Variants in FLRT2 observed in about 807,000 individuals in gnomAD.
The protein encoded by FLRT2 is leucine-rich repeat transmembrane protein FLRT2.
Under a neutral mutation model 40.0 loss-of-function variants are expected in FLRT2, and 15 were observed. That is an observed-to-expected ratio of 0.38 (90% CI 0.25 to 0.58). FLRT2 has a LOEUF of 0.58. Among genes scored for constraint, FLRT2 ranks in the 20% least tolerant of loss-of-function variants. FLRT2 has a pLI of 0.71. For synonymous variants in FLRT2, 380 were observed against 336.8 expected, an observed-to-expected ratio of 1.13 and a Z score of -1.41; for missense variants, 726 against 840.0, an observed-to-expected ratio of 0.86 and a Z score of 1.68.
At position 85,653,366 on chromosome 14, in the gene FLRT2, G is replaced by T. The variant is rs570231443; in HGVS notation, c.*29869G>T. 1 of 152,202 alleles carries T rather than the reference G, an allele frequency of 6.6e-6. No homozygotes were observed. The highest frequency in any genetic ancestry group is 1.5e-5 in the Non-Finnish European group (1 of 68,016). The allele number at this position is 152,202 out of a possible 1,614,324, so 9.4% of individuals were successfully genotyped here. On this transcript the variant is annotated 3_prime_UTR_variant, in exon 2 of 2. Coordinates refer to ENST00000330753, the MANE Select transcript of FLRT2 (RefSeq NM_013231.6). ...GGATGCAATTTGGCTAGTCACACCTGGGTGACCAATATCCGGAGGCTCTAC... is the reference window on the plus strand; with the variant it reads ...GGATGCAATTTGGCTAGTCACACCTTGGTGACCAATATCCGGAGGCTCTAC...
intron 1 of FLRT2, among the ~76,000 whole-genome samples, chr14:85,615,336 A>G (rs1367450715): frequency 6.6e-6 from 1 of 152,216 alleles, no homozygotes; most frequent in Non-Finnish European, 1.5e-5. Context: ...TGTGAGAACA[A>G]CGCTTCAAAT....
At chr14:85,567,412 A>G (rs79462820) in intron 1 of FLRT2, among the ~76,000 whole-genome samples, 3,298 of 152,174 alleles carry the variant, frequency 0.022, 124 homozygotes, top group African/African-American at 0.074. Context: ...CAGTTGCCAC[A>G]TTATGCTGGT....
At chr14:85,535,353 CCA>C (rs754262418) in intron 1 of FLRT2, among the ~76,000 whole-genome samples, 5 of 67,490 alleles carry the variant, frequency 7.4e-5, no homozygotes, top group Non-Finnish European at 1.7e-4. Flanking sequence ...AAGCCCCCCC[CCA>C]AAAAAAAAAA....
chr14:85,548,847 A>G (rs1192542989), intron 1 of FLRT2, among the ~76,000 whole-genome samples: 3 of 152,306 alleles, frequency 2.0e-5, no homozygotes, highest in South Asian at 2.1e-4. Context: ...GCCTTTTCCA[A>G]AACCATACTG....
At chr14:85,546,021 T>C (rs1342344395) in intron 1 of FLRT2, among the ~76,000 whole-genome samples, 1 of 152,188 alleles carries the variant, frequency 6.6e-6, no homozygotes, top group African/African-American at 2.4e-5. Context: ...GCGGTAAGCT[T>C]TTATTGGGTG....
In FLRT2 at chr14:85,622,497, T is replaced by G; in HGVS notation, c.983T>G (p.Ile328Ser). 1 of 1,614,054 alleles carries G rather than the reference T, an allele frequency of 6.2e-7. No individual in the cohort carries two copies. Among genetic ancestry groups the G allele is most frequent in the Non-Finnish European group, 8.5e-7 (1 of 1,180,022 alleles). The part of the protein sequence containing the change: ...IKWVTEWLKY[I>S]PSSLNVRGFM... ...TGGGTCACAGAATGGCTCAAATATATCCCTTCATCTCTCAACGTGCGGGGT... is the reference window on the plus strand; with the variant it reads ...TGGGTCACAGAATGGCTCAAATATAGCCCTTCATCTCTCAACGTGCGGGGT... Residue 328 changes from isoleucine (I) to serine (S), a missense_variant, in exon 2 of 2, where the codon ATC becomes AGC. Around this residue, in one of 3 missense-constraint regions of FLRT2, gnomAD observed 611 missense variants for 690.0 expected, o/e 0.89. Transcript: ENST00000330753.
chr14:85,534,607 G>C (rs547924679), intron 1 of FLRT2, among the ~76,000 whole-genome samples: 1 of 151,972 alleles, frequency 6.6e-6, no homozygotes, highest in East Asian at 1.9e-4. Flanking sequence ...CCGTATGTGT[G>C]TCTGTGTGTG....
At chr14:85,593,462 T>C (rs1315324907) in intron 1 of FLRT2, among the ~76,000 whole-genome samples, 3 of 138,886 alleles carry the variant, frequency 2.2e-5, no homozygotes, top group East Asian at 5.0e-4. Context: ...TCCTTACATA[T>C]GATTGAAACT....
intron 1 of FLRT2, among the ~76,000 whole-genome samples, chr14:85,553,557 C>T (rs1381403254): frequency 6.6e-6 from 1 of 152,106 alleles, no homozygotes; most frequent in Non-Finnish European, 1.5e-5. Flanking sequence ...CAAGCTTGAT[C>T]TAAGGGTTAT....
At chr14:85,582,650 A>C (rs1891442184) in intron 1 of FLRT2, among the ~76,000 whole-genome samples, 1 of 152,136 alleles carries the variant, frequency 6.6e-6, no homozygotes, top group African/African-American at 2.4e-5. Flanking sequence ...GTACGTAGTT[A>C]GGCACTCAGT....
At chr14:85,595,727 T>C (rs1196263466) in intron 1 of FLRT2, among the ~76,000 whole-genome samples, 3 of 152,170 alleles carry the variant, frequency 2.0e-5, no homozygotes, top group Non-Finnish European at 4.4e-5. Context: ...AAATTTTCTT[T>C]GAAGCCCTGA....
At chr14:85,536,022 A>T (rs747619797) in intron 1 of FLRT2, among the ~76,000 whole-genome samples, 5 of 148,438 alleles carry the variant, frequency 3.4e-5, no homozygotes, top group Non-Finnish European at 7.4e-5. Flanking sequence ...AGCAGAAGAA[A>T]GTAGATTCCC....
chr14:85,543,866 G>T (rs1889121191), intron 1 of FLRT2, among the ~76,000 whole-genome samples: 1 of 152,056 alleles, frequency 6.6e-6, no homozygotes, highest in Non-Finnish European at 1.5e-5. Context: ...AGTTTTGTTT[G>T]AACTTTGATT....
intron 1 of FLRT2, among the ~76,000 whole-genome samples, chr14:85,588,500 A>G (rs765121519): frequency 8.6e-5 from 13 of 151,126 alleles, no homozygotes; most frequent in Non-Finnish European, 1.6e-4. Flanking sequence ...GGTACATAGT[A>G]GGTGTATATA....
intron 1 of FLRT2, among the ~76,000 whole-genome samples, chr14:85,615,954 G>GA (rs1348265809): frequency 1.3e-5 from 2 of 152,104 alleles, no homozygotes; most frequent in Admixed American, 1.3e-4. Flanking sequence ...ATTAGAAAAA[G>GA]AAAAAACCTT....
Position 85,536,636 on chromosome 14 carries a change from G to A in FLRT2, c.-377+6102G>A, listed in dbSNP as rs117453957. On this transcript the variant is annotated intron_variant, in intron 1 of 1. Coordinates refer to ENST00000330753, the MANE Select transcript of FLRT2 (RefSeq NM_013231.6). ...CTATCTGTGAGAAGTGAATACTCATGGTTTTTTTTTTTTTTCCTTCTCATC... is the reference window on the plus strand; with the variant it reads ...CTATCTGTGAGAAGTGAATACTCATAGTTTTTTTTTTTTTTCCTTCTCATC... Among the ~76,000 whole-genome samples, 233 of 89,362 alleles carry A rather than the reference G, an allele frequency of 2.6e-3. 6 individuals carry two copies. The East Asian group carries it at 0.052, about 20-fold the overall frequency. The allele number at this position is 89,362 out of a possible 152,430, so 58.6% of individuals were successfully genotyped here.
At chr14:85,608,785 A>G (rs1892738110) in intron 1 of FLRT2, among the ~76,000 whole-genome samples, 1 of 152,196 alleles carries the variant, frequency 6.6e-6, no homozygotes, top group Non-Finnish European at 1.5e-5. Flanking sequence ...CGTCATGTGA[A>G]GAGCCACTGC....
intron 1 of FLRT2, among the ~76,000 whole-genome samples, chr14:85,593,556 A>G (rs1199420765): frequency 6.6e-6 from 1 of 152,180 alleles, no homozygotes; most frequent in East Asian, 1.9e-4. Context: ...GATAAGAACC[A>G]AGGTATTGTT....
At position 85,645,249 on chromosome 14, in the gene FLRT2, CATGTGTATATATGTAT is replaced by C. The variant is rs1894267979; in HGVS notation, c.*21754_*21769del. 3 of 100,514 alleles carry C rather than the reference CATGTGTATATATGTAT, an allele frequency of 3.0e-5. No homozygotes were observed. Among genetic ancestry groups the C allele is most frequent in the African/African-American group, 1.2e-4 (3 of 24,330 alleles). 6.2% of individuals were successfully genotyped at this position (100,514 alleles called of 1,614,324 possible). ...ATATATGTATATACATATATGTATA[CATGTGTATATATGTAT>C]ACATGTGTATATATGTATATACATA... On this transcript the variant is annotated 3_prime_UTR_variant, in exon 2 of 2. Coordinates refer to ENST00000330753, the MANE Select transcript of FLRT2 (RefSeq NM_013231.6).
Sources: gnomAD v4.1 joint callset for allele counts (sites outside exome capture counted in the v4.1 genomes callset) on GRCh38, gnomAD v4.1.1 for gene constraint, gnomAD v4.1.1 regional missense constraint, MANE v1.5 for transcripts, NCBI Gene and HGNC (gene_info 2026-07-23, HGNC 2026-07-21) for gene names.